The following ROBO1 variants were observed in gnomAD, a reference collection of about 807,000 sequenced individuals.
ROBO1 encodes the protein roundabout guidance receptor 1.
ROBO1 carries 149 observed loss-of-function variants against 195.9 expected under a neutral mutation model. That is an observed-to-expected ratio of 0.76 (90% CI 0.67 to 0.87). The LOEUF (loss-of-function observed/expected upper bound fraction) is 0.87. ROBO1 is among the 40% of genes least tolerant of loss of function. The pLI is 0.00. For missense variants in ROBO1, 1,933 were observed against 2,068.3 expected, an observed-to-expected ratio of 0.93 and a Z score of 1.27; for synonymous variants, 816 against 733.2, an observed-to-expected ratio of 1.11 and a Z score of -1.82.
chr3:79,749,748 C>T (rs1006166064), intron 1 of ROBO1, among the ~76,000 whole-genome samples: 12 of 152,274 alleles, frequency 7.9e-5, no homozygotes, highest in South Asian at 2.1e-4. Context: ...CAATAATTGA[C>T]GTTTGGGAAC....
rs62257470 is a variant in ROBO1, at chr3:78,728,469, A to C, written c.658-10586T>G. Among the ~76,000 whole-genome samples, 11 of 139,306 alleles carry C rather than the reference A, an allele frequency of 7.9e-5. 1 individual carries two copies. The highest frequency in any genetic ancestry group is 6.3e-4 in the East Asian group (3 of 4,732). 91.4% of individuals were successfully genotyped at this position (139,306 alleles called of 152,430 possible). A position where few individuals can be genotyped will look rare whatever the true frequency, so the allele number is the denominator to read the frequency against. On this transcript the variant is annotated intron_variant, in intron 5 of 30. Coordinates refer to ENST00000464233, the MANE Select transcript of ROBO1 (RefSeq NM_002941.4). ...TTCTTCTAGGTTATAAAAAAAAAAA[A>C]CCCAGATTAGTCAGCTTTCAATTAA...
At chr3:78,709,241 C>T (rs2081623625) in intron 8 of ROBO1, among the ~76,000 whole-genome samples, 1 of 152,112 alleles carries the variant, frequency 6.6e-6, no homozygotes. Flanking sequence ...AGCATTGTTT[C>T]ACTATTTTGT....
intron 4 of ROBO1, among the ~76,000 whole-genome samples, chr3:78,881,380 T>C (rs1011542399): frequency 6.6e-6 from 1 of 152,156 alleles, no homozygotes; most frequent in Non-Finnish European, 1.5e-5. Flanking sequence ...CTTTGTTCTC[T>C]GTTTACAGTG....
Position 79,123,271 on chromosome 3 carries a change from T to G in ROBO1, c.172+2185A>C, listed in dbSNP as rs143270655. On this transcript the variant is annotated intron_variant, in intron 3 of 30. Coordinates refer to ENST00000464233, the MANE Select transcript of ROBO1 (RefSeq NM_002941.4). Reference sequence around the variant, plus strand: ...AACTCAATTTTCTCTAATATAAAGGTTCTATCTACTCAATTATCTGTGACT... The same window carrying G: ...AACTCAATTTTCTCTAATATAAAGGGTCTATCTACTCAATTATCTGTGACT... 5.3e-3 allele frequency among the ~76,000 whole-genome samples: 806 copies of G among 152,054 alleles called. 8 individuals carry two copies. Among genetic ancestry groups the G allele is most frequent in the Non-Finnish European group, 8.7e-3 (587 of 67,856 alleles).
chr3:79,010,471 CTG>C (rs994152408), intron 3 of ROBO1, among the ~76,000 whole-genome samples: 2 of 149,958 alleles, frequency 1.3e-5, no homozygotes, highest in South Asian at 2.1e-4. Flanking sequence ...TAACAACACT[CTG>C]TAACTTTTAG....
intron 1 of ROBO1, among the ~76,000 whole-genome samples, chr3:79,726,252 G>T (rs1332937335): frequency 6.6e-6 from 1 of 152,176 alleles, no homozygotes; most frequent in African/African-American, 2.4e-5. Flanking sequence ...GTGAAAGGAT[G>T]TTCTGGCTGT....
rs577752325 is a variant in ROBO1 at position 78,962,802 on chromosome 3, C to T, written c.173-23875G>A. On this transcript the variant is annotated intron_variant, in intron 3 of 30. Coordinates refer to ENST00000464233, the MANE Select transcript of ROBO1 (RefSeq NM_002941.4). ...TCGCGCCACTGCACTTCAGCCTGGG[C>T]GACAGAGTGAGACTCCATCTCAAAA... Among the ~76,000 whole-genome samples the T allele has an allele frequency of 3.0e-4, 36 of 120,486 alleles. No homozygotes were observed. The South Asian group carries it at 5.0e-3, about 17-fold the overall frequency. The allele number at this position is 120,486 out of a possible 152,430, so 79.0% of individuals were successfully genotyped here. A position where few individuals can be genotyped will look rare whatever the true frequency, so the allele number is the denominator to read the frequency against.
Position 78,636,126 on chromosome 3 carries a change from G to C in ROBO1, c.3038-18C>G. 1 of 1,541,952 alleles carries C rather than the reference G, an allele frequency of 6.5e-7. No homozygotes were observed. The highest frequency in any genetic ancestry group is 2.3e-5 in the East Asian group (1 of 43,952). On this transcript the variant is annotated intron_variant, in intron 22 of 30. Coordinates refer to ENST00000464233, the MANE Select transcript of ROBO1 (RefSeq NM_002941.4). ...ACAATCAGCTATGTGCAATGGAGAG[G>C]AAAAGGAAAAAATCATTCTGCGTGG...
chr3:79,332,812 C>G (rs1170040821), intron 2 of ROBO1, among the ~76,000 whole-genome samples: 3 of 152,174 alleles, frequency 2.0e-5, no homozygotes, highest in African/African-American at 7.2e-5. Flanking sequence ...CTAAGGTGTT[C>G]TTGGCACTGG....
intron 8 of ROBO1, among the ~76,000 whole-genome samples, chr3:78,696,613 CT>C (rs2081296024): frequency 6.7e-6 from 1 of 149,584 alleles, no homozygotes; most frequent in South Asian, 2.1e-4. Context: ...AAAATCATTA[CT>C]ACCAAAATCA....
At chr3:79,172,930 C>T (rs1041307451) in intron 2 of ROBO1, among the ~76,000 whole-genome samples, 2 of 152,198 alleles carry the variant, frequency 1.3e-5, no homozygotes, top group Non-Finnish European at 2.9e-5. Context: ...ATTTTCTTCT[C>T]TGCTCCTAGA....
chr3:78,833,804 C>T (rs1208038305), intron 4 of ROBO1, among the ~76,000 whole-genome samples: 2 of 152,062 alleles, frequency 1.3e-5, no homozygotes, highest in Non-Finnish European at 2.9e-5. Context: ...ACAGAAAGAA[C>T]TGAGGGGTGA....
chr3:79,338,947 G>A (rs74617581), intron 2 of ROBO1, among the ~76,000 whole-genome samples: 1,658 of 152,094 alleles, frequency 0.011, 16 homozygotes, highest in Middle Eastern at 0.034. Context: ...CATCCCTCCA[G>A]CCTTTCTCTT....
At chr3:78,651,451 G>C (rs1207040214) in intron 19 of ROBO1, among the ~76,000 whole-genome samples, 1 of 152,016 alleles carries the variant, frequency 6.6e-6, no homozygotes, top group East Asian at 1.9e-4. Context: ...AATTCCCTAA[G>C]AGAAAAGGGA....
intron 2 of ROBO1, among the ~76,000 whole-genome samples, chr3:79,335,718 G>T (rs1020141093): frequency 6.6e-6 from 1 of 152,122 alleles, no homozygotes; most frequent in Admixed American, 6.6e-5. Context: ...CGCAGAGAGT[G>T]GGGTGCTGCT....
At chr3:79,601,332 A>T (rs1242559712) in intron 1 of ROBO1, among the ~76,000 whole-genome samples, 1 of 152,006 alleles carries the variant, frequency 6.6e-6, no homozygotes, top group East Asian at 1.9e-4. Context: ...AAGCTAAAAA[A>T]ATCAAATGAA....
intron 2 of ROBO1, among the ~76,000 whole-genome samples, chr3:79,454,104 A>G (rs1380826334): frequency 6.6e-6 from 1 of 151,394 alleles, no homozygotes; most frequent in African/African-American, 2.4e-5. Context: ...TTTGGTGAGG[A>G]AAGTTCTAGA....
intron 2 of ROBO1, among the ~76,000 whole-genome samples, chr3:79,472,574 A>G (rs1938339865): frequency 6.6e-6 from 1 of 152,198 alleles, no homozygotes; most frequent in African/African-American, 2.4e-5. Context: ...AACTTTAGGA[A>G]TTGGTGAGCT....
chr3:79,584,947 A>G (rs1422579256), intron 2 of ROBO1, among the ~76,000 whole-genome samples: 1 of 151,796 alleles, frequency 6.6e-6, no homozygotes, highest in African/African-American at 2.4e-5. Context: ...CTAAAATTAT[A>G]CTATAAAAAG....
Sources: allele counts gnomAD v4.1 joint callset (sites outside exome capture counted in the v4.1 genomes callset), GRCh38; gene constraint gnomAD v4.1.1; transcripts MANE v1.5; gene names NCBI Gene and HGNC (gene_info 2026-07-23, HGNC 2026-07-21).